CPO: variants seen among roughly 807,000 people sequenced by gnomAD.
The protein encoded by CPO is carboxypeptidase O.
CPO carries 43 observed loss-of-function variants against 41.2 expected under a neutral mutation model. That is an observed-to-expected ratio of 1.04 (90% confidence interval 0.82 to 1.35). The LOEUF (loss-of-function observed/expected upper bound fraction) is 1.35. CPO is among the 40% of genes most tolerant of loss of function. The pLI is 0.00. For synonymous variants in CPO, 178 were observed against 162.7 expected, an observed-to-expected ratio of 1.09 and a Z score of -0.72; for missense variants, 408 against 451.7, an observed-to-expected ratio of 0.90 and a Z score of 0.88.
intron 8 of CPO, among the ~76,000 whole-genome samples, chr2:206,968,927 A>T (rs1693632392): frequency 6.6e-6 from 1 of 152,252 alleles, no homozygotes; most frequent in South Asian, 2.1e-4. Flanking sequence ...AAGAAACTTT[A>T]GCCAAACCTT....
At chr2:206,968,164 C>G (rs777506888) in intron 7 of CPO, 99 bp from the exon 8 acceptor site, 7 of 834,608 alleles carry the variant, frequency 8.4e-6, no homozygotes, top group Non-Finnish European at 1.4e-5. Flanking sequence ...GAAAGGTGGC[C>G]TAAAACTCTG....
intron 7 of CPO, among the ~76,000 whole-genome samples, chr2:206,966,172 G>A (rs181728582): frequency 1.1e-3 from 172 of 151,534 alleles, no homozygotes; most frequent in Middle Eastern, 6.8e-3. Context: ...CAATGATATC[G>A]GATAAAATAA....
At chr2:206,963,384 AC>A (rs1351035660) in intron 7 of CPO, among the ~76,000 whole-genome samples, 1 of 152,210 alleles carries the variant, frequency 6.6e-6, no homozygotes, top group African/African-American at 2.4e-5. Context: ...TACTATCTTA[AC>A]CATTGTTAAA....
intron 3 of CPO, among the ~76,000 whole-genome samples, chr2:206,958,005 TTATC>T (rs1693403881): frequency 6.6e-6 from 1 of 152,212 alleles, no homozygotes; most frequent in Admixed American, 6.5e-5. Context: ...GGTTATGCCT[TTATC>T]TATAGTTAGG....
rs779061479 is a variant in CPO, at chr2:206,969,452, G to A, written c.*16G>A. On this transcript the variant is annotated 3_prime_UTR_variant, in exon 9 of 9. Coordinates refer to ENST00000272852, the MANE Select transcript of CPO (RefSeq NM_173077.3). ...TCTTCTCTAAGTGCATTCTGCCCAG[G>A]CCTGCTCAACCCCAGTGGCATGAGT... 5.0e-6 allele frequency: 8 copies of A among 1,612,702 alleles called. No individual in the cohort carries two copies. The African/African-American group carries it at 9.3e-5, about 19-fold the overall frequency.
At chr2:206,939,711 T>C in intron 1 of CPO, 44 bp downstream of exon 1, 3 of 1,512,386 alleles carry the variant, frequency 2.0e-6, no homozygotes, top group Non-Finnish European at 1.8e-6. Context: ...ATAATTTAGA[T>C]TGTCTAAATT....
chr2:206,962,471 G>A lies in CPO; in HGVS notation c.634G>A (p.Glu212Lys), dbSNP rs1559073914. ...ATTCTGTGGGACAGGGCCAGTGTCT[G>A]AACCAGAGACTAAAGCTGTTGCCAG... is the stretch of plus-strand genomic sequence containing the variant. ...QTFCGTGPVS[E>K]PETKAVASFI... Residue 212 changes from glutamate to lysine, a missense_variant, in exon 7 of 9, where the codon GAA becomes AAA. Glu to Lys is a moderately conservative substitution (Grantham distance 56, BLOSUM62 1). Coordinates refer to ENST00000272852, the MANE Select transcript of CPO (RefSeq NM_173077.3). The A allele has an allele frequency of 8.1e-6, 13 of 1,614,204 alleles. No individual in the cohort carries two copies. The highest frequency in any genetic ancestry group is 1.1e-5 in the Non-Finnish European group (13 of 1,180,020).
At chr2:206,952,863 C>T (rs1257717733) in intron 2 of CPO, among the ~76,000 whole-genome samples, 2 of 152,114 alleles carry the variant, frequency 1.3e-5, no homozygotes, top group Non-Finnish European at 2.9e-5. Context: ...GGGGAGGCCT[C>T]AAAATCATGG....
At chr2:206,950,520 C>T (rs879162138) in intron 2 of CPO, among the ~76,000 whole-genome samples, 6 of 152,242 alleles carry the variant, frequency 3.9e-5, no homozygotes, top group South Asian at 4.2e-4. Flanking sequence ...GACAGTGTGG[C>T]GATTCCTCAA....
intron 2 of CPO, among the ~76,000 whole-genome samples, chr2:206,953,161 A>G (rs930507335): frequency 6.6e-6 from 1 of 152,140 alleles, no homozygotes; most frequent in Non-Finnish European, 1.5e-5. Flanking sequence ...ATGTCATCAC[A>G]TTTCAAAACT....
chr2:206,944,571 G>T (rs1225331197), intron 1 of CPO, among the ~76,000 whole-genome samples: 3 of 151,720 alleles, frequency 2.0e-5, no homozygotes, highest in Admixed American at 2.0e-4. Context: ...CATTTTCATT[G>T]TTTTAACCAA....
At chr2:206,940,489 GATTT>G (rs774189931) in intron 1 of CPO, among the ~76,000 whole-genome samples, 105 of 151,998 alleles carry the variant, frequency 6.9e-4, no homozygotes, top group Admixed American at 3.2e-3. Flanking sequence ...GTATTTTGTT[GATTT>G]ATAAGAGTAA....
chr2:206,968,347 T>C lies in CPO; in HGVS notation c.862T>C (p.Tyr288His). The C allele has an allele frequency of 2.5e-6, 4 of 1,579,400 alleles. No individual in the cohort carries two copies. The East Asian group carries it at 6.7e-5, about 27-fold the overall frequency. The part of the protein sequence containing the change: ...YRVGSSADIL[Y>H]ASSGSSRDWA... ...AGTTGGATCGAGTGCAGATATTTTA[T>C]GTAAGTATCTTTTTTTGCCTCTTCA... is the stretch of plus-strand genomic sequence containing the variant. The change falls in exon 8 of 9, where the codon TAT becomes CAT. Residue 288 changes from tyrosine (Y) to histidine (H), a missense_variant and splice_region_variant. Transcript: ENST00000272852.
In CPO at chr2:206,939,579, T is replaced by C. The variant is rs773332797; in HGVS notation, c.-21T>C. Reference sequence around the variant, plus strand: ...CCACTGCCAGAGAGGCCCAGAATTTTCTAACTTACTGTGTGGCAGAATGAA... The same window carrying C: ...CCACTGCCAGAGAGGCCCAGAATTTCCTAACTTACTGTGTGGCAGAATGAA... On this transcript the variant is annotated 5_prime_UTR_variant, in exon 1 of 9. Coordinates refer to ENST00000272852, the MANE Select transcript of CPO (RefSeq NM_173077.3). 2.5e-6 allele frequency: 4 copies of C among 1,608,332 alleles called. No homozygotes were observed. The South Asian group carries it at 4.4e-5, about 18-fold the overall frequency.
Position 206,959,693 on chromosome 2 carries a change from T to A in CPO, c.435T>A (p.Tyr145Ter). ...IRKLLRNLDF[Y>*]VLPVLNIDGY... Reference sequence around the variant, plus strand: ...AGCTCCTTAGGAACCTGGACTTCTATGTCCTTCCAGTTCTTAACATAGATG... The same window carrying A: ...AGCTCCTTAGGAACCTGGACTTCTAAGTCCTTCCAGTTCTTAACATAGATG... The change falls in exon 5 of 9, where the codon TAT becomes TAA. Residue 145 changes from tyrosine to a stop codon, truncating the protein, a stop_gained. Coordinates refer to ENST00000272852, the MANE Select transcript of CPO (RefSeq NM_173077.3). LOFTEE classifies it high-confidence loss of function. 1 of 1,582,682 alleles carries A rather than the reference T, an allele frequency of 6.3e-7. No homozygotes were observed. Among genetic ancestry groups the A allele is most frequent in the Non-Finnish European group, 8.7e-7 (1 of 1,151,348 alleles).
At chr2:206,943,030 T>G (rs1203462647) in intron 1 of CPO, among the ~76,000 whole-genome samples, 1 of 152,096 alleles carries the variant, frequency 6.6e-6, no homozygotes, top group Non-Finnish European at 1.5e-5. Context: ...TAGCCAAGAG[T>G]AAGGCAAATG....
chr2:206,967,354 T>TATATAGATATAG (rs778426015), intron 7 of CPO, among the ~76,000 whole-genome samples: 194 of 111,112 alleles, frequency 1.7e-3, no homozygotes, highest in Middle Eastern at 5.2e-3. Flanking sequence ...TATATATAGA[T>TATATAGATATAG]ATATAGATAT....
chr2:206,943,844 A>C (rs2105818336), intron 1 of CPO, among the ~76,000 whole-genome samples: 1 of 152,224 alleles, frequency 6.6e-6, no homozygotes, highest in East Asian at 1.9e-4. Context: ...TCTAGCATAC[A>C]TAATTGCTAG....
intron 5 of CPO, 34 bp downstream of exon 5, chr2:206,959,775 C>A: frequency 2.1e-6 from 2 of 936,698 alleles, no homozygotes; most frequent in South Asian, 1.4e-5. Flanking sequence ...GGGATGAGTT[C>A]ATGAACTAAA....
Sources: gnomAD v4.1 joint callset for allele counts (sites outside exome capture counted in the v4.1 genomes callset) on GRCh38, gnomAD v4.1.1 for gene constraint, MANE v1.5 for transcripts, NCBI Gene and HGNC (gene_info 2026-07-23, HGNC 2026-07-21) for gene names.